AMMECR1L: variants seen among roughly 807,000 people sequenced by gnomAD.
The protein encoded by AMMECR1L is AMMECR1-like protein.
AMMECR1L carries 4 observed loss-of-function variants against 36.8 expected under a neutral mutation model. The observed-to-expected ratio is 0.11, with a 90% CI of 0.05 to 0.25. AMMECR1L has a LOEUF of 0.25. AMMECR1L is among the 10% of genes least tolerant of loss of function. The pLI is 1.00. For synonymous variants in AMMECR1L, 147 were observed against 148.0 expected, an observed-to-expected ratio of 0.99 and a Z score of 0.05; for missense variants, 232 against 392.1, an observed-to-expected ratio of 0.59 and a Z score of 3.45.
intron 3 of AMMECR1L, chr2:127,872,991 A>G: frequency 1.0e-5 from 10 of 985,220 alleles, no homozygotes; most frequent in Non-Finnish European, 1.2e-5. Context: ...CCAACCTGAC[A>G]GGCCTCCCAA....
rs546844599 is a variant in AMMECR1L at position 127,883,628 on chromosome 2, C to T, written c.-39+575G>A. ...CTGAAAACTCTCTCCTAAGTGTTAG[C>T]ATACTATCATTAATCAACTCAAGAG... is the stretch of plus-strand genomic sequence containing the variant. On this transcript the variant is annotated intron_variant, in intron 2 of 7. Transcript: ENST00000272647. 5.5e-4 allele frequency among the ~76,000 whole-genome samples: 83 copies of T among 152,266 alleles called. 2 individuals carry two copies. The highest frequency in any genetic ancestry group is 1.9e-3 in the African/African-American group (80 of 41,538).
At chr2:127,885,656 T>C (rs1691744109) in intron 1 of AMMECR1L, 154 bp downstream of exon 1, 1 of 983,244 alleles carries the variant, frequency 1.0e-6, no homozygotes, top group Admixed American at 6.2e-5. Flanking sequence ...TCCCCCCCGC[T>C]GCCCCCGGAC....
intron 2 of AMMECR1L, among the ~76,000 whole-genome samples, chr2:127,880,720 A>G (rs1691456185): frequency 6.6e-6 from 1 of 151,958 alleles, no homozygotes; most frequent in African/African-American, 2.4e-5. Flanking sequence ...GAGAGGCCGC[A>G]GGGCATCTGT....
rs552677981 is a variant in AMMECR1L, at chr2:127,883,033, C to T, written c.-39+1170G>A. On this transcript the variant is annotated intron_variant, in intron 2 of 7. Coordinates refer to ENST00000272647, the MANE Select transcript of AMMECR1L (RefSeq NM_001199140.2). Reference sequence around the variant, plus strand: ...TTGCTGGGGCTACAGATGCACGCCACCATGCCTGGCAACAATTGTTTTTAA... The same window carrying T: ...TTGCTGGGGCTACAGATGCACGCCATCATGCCTGGCAACAATTGTTTTTAA... Among the ~76,000 whole-genome samples the T allele has an allele frequency of 1.0e-3, 154 of 151,742 alleles. 1 individual carries two copies. The highest frequency in any genetic ancestry group is 3.2e-3 in the African/African-American group (134 of 41,344).
chr2:127,868,237 A>G lies in AMMECR1L; in HGVS notation c.724+1217T>C, dbSNP rs183879754. Among the ~76,000 whole-genome samples the G allele has an allele frequency of 2.7e-4, 41 of 152,312 alleles. 1 individual carries two copies. The East Asian group carries it at 7.5e-3, about 28-fold the overall frequency. ...AGAAAATCCCCTAAATTACTATGCT[A>G]GGTGCTCCGAAGTTTTTATTTTTCC... On this transcript the variant is annotated intron_variant, in intron 6 of 7. Coordinates refer to ENST00000272647, the MANE Select transcript of AMMECR1L (RefSeq NM_001199140.2).
At position 127,866,896 on chromosome 2, in the gene AMMECR1L, T is replaced by C. The variant is rs913234846; in HGVS notation, c.821+4A>G. On this transcript the variant is annotated splice_donor_region_variant and intron_variant, in intron 7 of 7. Transcript: ENST00000272647. ...ATGATAAGGAAAACAAGACAATGGC[T>C]TACCTGGTGAGTTTGATCGTTTTTC... is the stretch of plus-strand genomic sequence containing the variant. 6.2e-7 allele frequency: 1 copy of C among 1,613,456 alleles called. No homozygotes were observed. Among genetic ancestry groups the C allele is most frequent in the African/African-American group, 1.3e-5 (1 of 75,046 alleles).
rs1356148615 is a variant in AMMECR1L at position 127,873,344 on chromosome 2, T to C, written c.407+484A>G. On this transcript the variant is annotated intron_variant, in intron 3 of 7. Transcript: ENST00000272647. This position sits in a 1 kb window ranked among gnomAD's most constrained non-coding sequence, Gnocchi z 5.2. ...TTCTGACTTCTTGATGGGATGTGAGTGGCCCTACAGGTTTACCAAGGGATT... is the reference window on the plus strand; with the variant it reads ...TTCTGACTTCTTGATGGGATGTGAGCGGCCCTACAGGTTTACCAAGGGATT... 4.1e-6 allele frequency: 4 copies of C among 985,414 alleles called. No individual in the cohort carries two copies. The highest frequency in any genetic ancestry group is 4.8e-6 in the Non-Finnish European group (4 of 829,928). 61.0% of individuals were successfully genotyped at this position (985,414 alleles called of 1,614,324 possible). A position where few individuals can be genotyped will look rare whatever the true frequency, so the allele number is the denominator to read the frequency against.
intron 2 of AMMECR1L, among the ~76,000 whole-genome samples, chr2:127,876,699 G>C (rs1691258041): frequency 1.3e-5 from 2 of 152,060 alleles, no homozygotes. Flanking sequence ...TGCTTCCTAG[G>C]GTTAGGTGAA....
intron 1 of AMMECR1L, 119 bp downstream of exon 1, chr2:127,885,691 C>A: frequency 2.0e-6 from 2 of 982,932 alleles, no homozygotes; most frequent in Non-Finnish European, 2.4e-6. Flanking sequence ...CGCGGGGTCT[C>A]TTCCCGGCCC....
At chr2:127,866,580 T>C (rs1447843292) in intron 7 of AMMECR1L, among the ~76,000 whole-genome samples, 1 of 152,250 alleles carries the variant, frequency 6.6e-6, no homozygotes, top group Non-Finnish European at 1.5e-5. Flanking sequence ...CAACTGACTC[T>C]GGACTTCCAG....
intron 2 of AMMECR1L, among the ~76,000 whole-genome samples, chr2:127,878,850 A>G (rs1338223347): frequency 6.6e-6 from 1 of 152,270 alleles, no homozygotes; most frequent in Non-Finnish European, 1.5e-5. Flanking sequence ...AGTGACCAAA[A>G]GCAGAGTTAG....
At position 127,873,565 on chromosome 2, in the gene AMMECR1L, G is replaced by A; in HGVS notation, c.407+263C>T. The A allele has an allele frequency of 1.0e-6, 1 of 985,442 alleles. No homozygotes were observed. The highest frequency in any genetic ancestry group is 1.2e-6 in the Non-Finnish European group (1 of 829,940). The allele number at this position is 985,442 out of a possible 1,614,324, so 61.0% of individuals were successfully genotyped here. A position where few individuals can be genotyped will look rare whatever the true frequency, so the allele number is the denominator to read the frequency against. On this transcript the variant is annotated intron_variant, in intron 3 of 7. Transcript: ENST00000272647. The surrounding 1 kb of genome is among the most constrained non-coding windows in gnomAD (Gnocchi z 5.2). ...CCCACTGCCATGTGAACCAACAGAA[G>A]AGCCAAGAATGAACTCACTTGATTT...
Position 127,871,963 on chromosome 2 carries a change from C to T in AMMECR1L, c.408-604G>A, listed in dbSNP as rs1358360521. ...CAGCACTTTGGGAGGCCAAGGTGGG[C>T]GGATCACTTGAGGTAAGGAGTTCTA... On this transcript the variant is annotated intron_variant, in intron 3 of 7. Coordinates refer to ENST00000272647, the MANE Select transcript of AMMECR1L (RefSeq NM_001199140.2). The surrounding 1 kb of genome is among the most constrained non-coding windows in gnomAD (Gnocchi z 4.3). Among the ~76,000 whole-genome samples, 3 of 151,934 alleles carry T rather than the reference C, an allele frequency of 2.0e-5. No individual in the cohort carries two copies. Among genetic ancestry groups the T allele is most frequent in the Non-Finnish European group, 4.4e-5 (3 of 67,996 alleles).
intron 7 of AMMECR1L, among the ~76,000 whole-genome samples, chr2:127,866,587 C>T (rs1161908858): frequency 1.3e-5 from 2 of 152,248 alleles, no homozygotes; most frequent in African/African-American, 4.8e-5. Context: ...CTCTGGACTT[C>T]CAGAGAGCCT....
Position 127,885,126 on chromosome 2 carries a change from G to C in AMMECR1L, c.-149+684C>G, listed in dbSNP as rs1368017858. 8.1e-6 allele frequency: 8 copies of C among 985,018 alleles called. No homozygotes were observed. The East Asian group carries it at 4.6e-4, about 56-fold the overall frequency. The allele number at this position is 985,018 out of a possible 1,614,324, so 61.0% of individuals were successfully genotyped here. A position where few individuals can be genotyped will look rare whatever the true frequency, so the allele number is the denominator to read the frequency against. On this transcript the variant is annotated intron_variant, in intron 1 of 7. Coordinates refer to ENST00000272647, the MANE Select transcript of AMMECR1L (RefSeq NM_001199140.2). ...ATGAAACCCAGCGTGTCAGGTGGAC[G>C]GATCATGGAATGGGGGGCCAGCGGA...
intron 2 of AMMECR1L, among the ~76,000 whole-genome samples, chr2:127,877,020 A>AATATATATATATACATATATAT (rs1553490414): frequency 6.9e-6 from 1 of 144,932 alleles, no homozygotes. Flanking sequence ...TCTGTCTCCA[A>AATATATATATATACATATATAT]ATATATATAT....
At position 127,874,114 on chromosome 2, in the gene AMMECR1L, C is replaced by G. The variant is rs1436317268; in HGVS notation, c.121G>C (p.Val41Leu). The G allele has an allele frequency of 1.9e-6, 3 of 1,614,188 alleles. No homozygotes were observed. Among genetic ancestry groups the G allele is most frequent in the Non-Finnish European group, 2.5e-6 (3 of 1,180,046 alleles). The change falls in exon 3 of 8, where the codon GTC (valine) becomes CTC (leucine). Residue 41 changes from valine to leucine, a missense_variant. Coordinates refer to ENST00000272647, the MANE Select transcript of AMMECR1L (RefSeq NM_001199140.2). This position sits in a 1 kb window ranked among gnomAD's most constrained non-coding sequence, Gnocchi z 5.2. Reference sequence around the variant, plus strand: ...AGAGGTCCTGAACTAGAGCCGGGGACAGTTGTGGACTGATTCCCGTGACTG... The same window carrying G: ...AGAGGTCCTGAACTAGAGCCGGGGAGAGTTGTGGACTGATTCCCGTGACTG... ...THSHGNQSTT[V>L]PGSSSGPLQN...
At chr2:127,867,354 G>A in intron 6 of AMMECR1L, 4 of 963,028 alleles carry the variant, frequency 4.2e-6, no homozygotes, top group Non-Finnish European at 4.9e-6. Context: ...TCTGTGGGAA[G>A]AGAGGAATTT....
intron 2 of AMMECR1L, among the ~76,000 whole-genome samples, chr2:127,878,331 G>T (rs1255377820): frequency 6.6e-6 from 1 of 152,198 alleles, no homozygotes; most frequent in Non-Finnish European, 1.5e-5. Flanking sequence ...AGATGAAGCA[G>T]CAGGACCGCA....
Sources: allele counts gnomAD v4.1 joint callset (sites outside exome capture counted in the v4.1 genomes callset), GRCh38; gene constraint gnomAD v4.1.1; non-coding constraint Gnocchi (gnomAD v3.1); transcripts MANE v1.5; gene names NCBI Gene and HGNC (gene_info 2026-07-23, HGNC 2026-07-21).